The following CAPN12 variants were observed in gnomAD, a reference collection of about 807,000 sequenced individuals.
CAPN12 encodes the protein calpain-12.
Under a neutral mutation model 95.0 loss-of-function variants are expected in CAPN12, and 107 were observed. That is an observed-to-expected ratio of 1.13 (90% confidence interval 0.96 to 1.32). CAPN12 has a LOEUF of 1.32. Ranked by LOEUF, CAPN12 falls within the 40% of genes most tolerant of loss-of-function variation. CAPN12 has a pLI of 0.00. For synonymous variants in CAPN12, 505 were observed against 415.5 expected (o/e 1.22, Z -2.62); for missense variants, 1,136 against 997.8 (o/e 1.14, Z -1.87).
rs746362159 is a variant in CAPN12 at position 38,738,502 on chromosome 19, A to C, written c.806T>G (p.Val269Gly). Reference sequence around the variant, plus strand: ...CCGCACCTTGGTGAAGCCCAGGAACACCTGGGGCAGCATCGTCAGTGGGGG... The same window carrying C: ...CCGCACCTTGGTGAAGCCCAGGAACCCCTGGGGCAGCATCGTCAGTGGGGG... ...HAYSITGTHK[V>G]FLGFTKVRLL... The change falls in exon 7 of 21, where the codon GTG becomes GGG. Residue 269 changes from valine to glycine, a missense_variant and splice_region_variant. Transcript: ENST00000328867. The C allele has an allele frequency of 6.2e-7, 1 of 1,612,906 alleles. No individual in the cohort carries two copies. The highest frequency in any genetic ancestry group is 8.5e-7 in the Non-Finnish European group (1 of 1,179,524).
chr19:38,734,951 G>C, intron 14 of CAPN12, 81 bp from the exon 15 acceptor site: 2 of 1,377,128 alleles, frequency 1.5e-6, no homozygotes, highest in Non-Finnish European at 2.0e-6. Flanking sequence ...GACACGGCAG[G>C]GGCTGACAGA....
At position 38,738,339 on chromosome 19, in the gene CAPN12, C is replaced by A; in HGVS notation, c.899G>T (p.Arg300Leu). 6.2e-7 allele frequency: 1 copy of A among 1,611,974 alleles called. No individual in the cohort carries two copies. Among genetic ancestry groups the A allele is most frequent in the Non-Finnish European group, 8.5e-7 (1 of 1,179,980 alleles). Residue 300 changes from arginine (R) to leucine (L), a missense_variant, in exon 8 of 21, where the codon CGC (arginine) becomes CTC (leucine). Arg to Leu is a moderately radical substitution (Grantham distance 102). Coordinates refer to ENST00000328867, the MANE Select transcript of CAPN12 (RefSeq NM_144691.4). ...GCACTCGGTGGGGAGTGTGTCCCAG[C>A]GTGGGCAGCTGGAGAGACTGTGGTG... ...WTGAWSDSCP[R>L]WDTLPTECRD...
rs759092967 is a variant in CAPN12, at chr19:38,730,202, A to ATTTAC, written c.*645_*649dup. The ATTTAC allele has an allele frequency of 2.1e-4, 33 of 157,146 alleles. No individual in the cohort carries two copies. The highest frequency in any genetic ancestry group is 5.5e-4 in the Admixed American group (9 of 16,302). 9.7% of individuals were successfully genotyped at this position (157,146 alleles called of 1,614,324 possible). The stretch of plus-strand genomic sequence containing the variant: ...AATTAAAAACTTTCAGAGAATTACT[A>ATTTAC]TTTACTTTATTAACTTACGGATTTA... On this transcript the variant is annotated 3_prime_UTR_variant, in exon 21 of 21. Coordinates refer to ENST00000328867, the MANE Select transcript of CAPN12 (RefSeq NM_144691.4).
rs1254259994 is a variant in CAPN12 at position 38,736,213 on chromosome 19, AGCAGCG to A, written c.1474_1479del (p.Arg492_Cys493del). ...ACCAGGTAGTGGCCTGGACGCAGGC[AGCAGCG>A]GCGGGTCACGTCGCGGCGGGCGCTG... On this transcript the variant is annotated inframe_deletion, in exon 12 of 21. Coordinates refer to ENST00000328867, the MANE Select transcript of CAPN12 (RefSeq NM_144691.4). The A allele has an allele frequency of 6.7e-7, 1 of 1,502,420 alleles. No individual in the cohort carries two copies. The highest frequency in any genetic ancestry group is 2.1e-5 in the Admixed American group (1 of 46,916). 93.1% of individuals were successfully genotyped at this position (1,502,420 alleles called of 1,614,324 possible). A position where few individuals can be genotyped will look rare whatever the true frequency, so the allele number is the denominator to read the frequency against.
chr19:38,741,625 T>G, intron 4 of CAPN12, 152 bp downstream of exon 4: 3 of 810,042 alleles, frequency 3.7e-6, no homozygotes, highest in Non-Finnish European at 5.5e-6. Flanking sequence ...GGTGATGTTG[T>G]GATATGAGGG....
chr19:38,737,403 A>T lies in CAPN12; in HGVS notation c.1130-15T>A, dbSNP rs374341596. ...CCAGAAGGTTTCTAAGGGAGGAGGA[A>T]AAAAGGGGGTTTCCTAGCCGGCCAC... On this transcript the variant is annotated splice_polypyrimidine_tract_variant and intron_variant, in intron 9 of 20. Transcript: ENST00000328867. The T allele has an allele frequency of 2.5e-6, 4 of 1,609,334 alleles. No individual in the cohort carries two copies. The highest frequency in any genetic ancestry group is 3.4e-6 in the Non-Finnish European group (4 of 1,178,278).
In CAPN12 at chr19:38,735,571, A is replaced by AGGGGGCTGTTTGCCCCAGC. The variant is rs775071690; in HGVS notation, c.1584-46_1584-28dup. 10 of 1,598,510 alleles carry AGGGGGCTGTTTGCCCCAGC rather than the reference A, an allele frequency of 6.3e-6. No individual in the cohort carries two copies. In the East Asian group the frequency reaches 1.6e-4, roughly 25 times the overall value. ...TGCAAATTACAGATGGGAAGTGGGG[A>AGGGGGCTGTTTGCCCCAGC]GGGGGCTGTTTGCCCCAGCTGGGGC... On this transcript the variant is annotated intron_variant, in intron 12 of 20. Coordinates refer to ENST00000328867, the MANE Select transcript of CAPN12 (RefSeq NM_144691.4).
In CAPN12 at chr19:38,734,858, T is replaced by C. The variant is rs1332210042; in HGVS notation, c.1699A>G (p.Asn567Asp). 1 of 1,612,558 alleles carries C rather than the reference T, an allele frequency of 6.2e-7. No individual in the cohort carries two copies. The highest frequency in any genetic ancestry group is 1.3e-5 in the African/African-American group (1 of 74,912). Residue 567 changes from asparagine to aspartate, a missense_variant, in exon 15 of 21, where the codon AAT becomes GAT. Asn to Asp is a conservative substitution (Grantham distance 23). Transcript: ENST00000328867. ...AGTAAGGCCTGGAGCTGAGAGGCATTGAGTTCTTCCTCCTAGTCCAGGAAA... is the reference window on the plus strand; with the variant it reads ...AGTAAGGCCTGGAGCTGAGAGGCATCGAGTTCTTCCTCCTAGTCCAGGAAA... ...QELAGEEEELNASQLQALLSI... is the reference protein window; with the variant it reads ...QELAGEEEELDASQLQALLSI...
At chr19:38,733,377 C>T (rs1010764968) in intron 18 of CAPN12, 5 of 307,610 alleles carry the variant, frequency 1.6e-5, no homozygotes, top group Non-Finnish European at 2.4e-5. Flanking sequence ...AACATTCTAC[C>T]ATGCTGCCCT....
intron 2 of CAPN12, 46 bp downstream of exon 2, chr19:38,742,987 T>G (rs761305101): frequency 6.3e-7 from 1 of 1,596,546 alleles, no homozygotes; most frequent in East Asian, 2.2e-5. Flanking sequence ...GGATCTCAGC[T>G]GAAACTAGCT....
intron 3 of CAPN12, chr19:38,742,115 G>A: frequency 3.0e-6 from 2 of 664,190 alleles, no homozygotes; most frequent in East Asian, 2.8e-5. Flanking sequence ...CACGAGGTCA[G>A]GAATTCGAGA....
Position 38,740,127 on chromosome 19 carries a change from C to G in CAPN12, c.653G>C (p.Arg218Thr). The change falls in exon 5 of 21, where the codon AGA (arginine) becomes ACA (threonine). Residue 218 changes from arginine (R) to threonine (T), a missense_variant. Coordinates refer to ENST00000328867, the MANE Select transcript of CAPN12 (RefSeq NM_144691.4). ...AGAGAACAGCCCCATGCTGTTTTGT[C>G]TCAGATAGAGCACCTCGCCCACGCC... ...TGGVGEVLYL[R>T]QNSMGLFSAL... is the part of the protein sequence containing the mutation. 3 of 1,613,874 alleles carry G rather than the reference C, an allele frequency of 1.9e-6. No individual in the cohort carries two copies. Among genetic ancestry groups the G allele is most frequent in the Non-Finnish European group, 1.7e-6 (2 of 1,179,930 alleles).
rs1396428122 is a variant in CAPN12 at position 38,730,281 on chromosome 19, C to CATAATGAAGACATAGCCGAT, written c.*551_*570dup. 1 of 162,080 alleles carries CATAATGAAGACATAGCCGAT rather than the reference C, an allele frequency of 6.2e-6. No individual in the cohort carries two copies. The highest frequency in any genetic ancestry group is 2.4e-5 in the African/African-American group (1 of 41,438). The allele number at this position is 162,080 out of a possible 1,614,324, so 10.0% of individuals were successfully genotyped here. A position where few individuals can be genotyped will look rare whatever the true frequency, so the allele number is the denominator to read the frequency against. On this transcript the variant is annotated 3_prime_UTR_variant, in exon 21 of 21. Transcript: ENST00000328867. ...ATATCTCTGCCGTCTCTCCTGCTCT[C>CATAATGAAGACATAGCCGAT]ATAATGAAGACATAGCCGATTCTCT...
chr19:38,732,409 G>A (rs776228285), intron 18 of CAPN12, among the ~76,000 whole-genome samples: 7 of 152,172 alleles, frequency 4.6e-5, no homozygotes, highest in African/African-American at 1.7e-4. Flanking sequence ...TTGGCTCACT[G>A]CAACCTCCAC....
intron 1 of CAPN12, 29 bp from the exon 2 acceptor site, chr19:38,743,131 A>T (rs1157715206): frequency 1.9e-6 from 3 of 1,613,294 alleles, no homozygotes; most frequent in Non-Finnish European, 1.7e-6. Flanking sequence ...TCCAGGCCTC[A>T]GCCTGAGAAA....
intron 18 of CAPN12, 138 bp from the exon 19 acceptor site, chr19:38,731,361 G>A: frequency 1.5e-6 from 1 of 680,752 alleles, no homozygotes; most frequent in South Asian, 1.7e-5. Context: ...GGCAGGGTGA[G>A]TACAGGCTGA....
At chr19:38,741,504 C>G (rs1010170708) in intron 4 of CAPN12, among the ~76,000 whole-genome samples, 1 of 150,618 alleles carries the variant, frequency 6.6e-6, no homozygotes, top group African/African-American at 2.4e-5. Flanking sequence ...ACCTGGGAGG[C>G]AGAGGTTGCA....
In CAPN12 at chr19:38,744,262, G is replaced by T; in HGVS notation, c.-97C>A. The T allele has an allele frequency of 1.8e-6, 2 of 1,141,834 alleles. No individual in the cohort carries two copies. Among genetic ancestry groups the T allele is most frequent in the Non-Finnish European group, 1.3e-6 (1 of 769,154 alleles). 70.7% of individuals were successfully genotyped at this position (1,141,834 alleles called of 1,614,324 possible). A position where few individuals can be genotyped will look rare whatever the true frequency, so the allele number is the denominator to read the frequency against. Reference sequence around the variant, plus strand: ...CATTGGAGCCCCAGTGGGGTCTTTAGGCAATGAGGAGCCTTCCCTCGTTAA... The same window carrying T: ...CATTGGAGCCCCAGTGGGGTCTTTATGCAATGAGGAGCCTTCCCTCGTTAA... On this transcript the variant is annotated 5_prime_UTR_variant, in exon 1 of 21. Transcript: ENST00000328867.
At chr19:38,731,619 C>A in intron 18 of CAPN12, 1 of 238,846 alleles carries the variant, frequency 4.2e-6, no homozygotes, top group Non-Finnish European at 8.5e-6. Flanking sequence ...ACCTCAGAGG[C>A]GATTTCTAAA....
Sources: gnomAD v4.1 joint callset for allele counts (sites outside exome capture counted in the v4.1 genomes callset) on GRCh38, gnomAD v4.1.1 for gene constraint, MANE v1.5 for transcripts, NCBI Gene and HGNC (gene_info 2026-07-23, HGNC 2026-07-21) for gene names.